Variants in GTPBP1 observed in about 807,000 individuals in gnomAD.
The protein encoded by GTPBP1 is GTP-binding protein 1.
In GTPBP1, 23 loss-of-function variants were observed where a neutral mutation model predicts 62.0. The observed-to-expected ratio is 0.37, with a 90% CI of 0.27 to 0.53. GTPBP1 has a LOEUF of 0.53. Among genes scored for constraint, GTPBP1 ranks in the 20% least tolerant of loss-of-function variants. The probability of loss-of-function intolerance (pLI) is 0.89; values close to 1 mark genes in which losing one functional copy is unlikely to be tolerated. For missense variants in GTPBP1, 640 were observed against 917.3 expected (o/e 0.70, Z 3.90); for synonymous variants, 344 against 364.4 (o/e 0.94, Z 0.64).
rs1302178247 is a variant in GTPBP1, at chr22:38,728,122, C to T, written c.1677C>T (p.Phe559=). 3 of 1,613,778 alleles carry T rather than the reference C, an allele frequency of 1.9e-6. No individual in the cohort carries two copies. Among genetic ancestry groups the T allele is most frequent in the Admixed American group, 1.7e-5 (1 of 60,034 alleles). Residue 559 remains phenylalanine (F), a synonymous_variant, in exon 10 of 12, where the codon TTC becomes TTT. Coordinates refer to ENST00000216044, the MANE Select transcript of GTPBP1 (RefSeq NM_004286.5). ...EYLHIDQRLV[F]REGRTKAVGT... ...TGCACATAGACCAGCGGCTGGTGTT[C>T]CGGGAAGGCCGCACCAAGGCTGTCG...
chr22:38,713,428 G>A (rs917490756), intron 2 of GTPBP1, among the ~76,000 whole-genome samples: 2 of 152,174 alleles, frequency 1.3e-5, no homozygotes, highest in African/African-American at 4.8e-5. Flanking sequence ...CAAAAGTTAA[G>A]AGTCTGTTGT....
At chr22:38,723,865 T>G (rs1448220946) in intron 5 of GTPBP1, among the ~76,000 whole-genome samples, 3 of 152,246 alleles carry the variant, frequency 2.0e-5, no homozygotes, top group Non-Finnish European at 4.4e-5. Context: ...TGTAGAAAAG[T>G]ATCCCTTTGG....
At chr22:38,733,710 C>T (rs936539379), downstream of GTPBP1, 2 of 152,928 alleles carry the variant, frequency 1.3e-5, no homozygotes, top group African/African-American at 4.8e-5. Flanking sequence ...ACTGTTCTGG[C>T]TTATCAGCCA....
At position 38,730,454 on chromosome 22, in the gene GTPBP1, TG is replaced by T; in HGVS notation, c.1918-157del. On this transcript the variant is annotated intron_variant, in intron 11 of 11. Coordinates refer to ENST00000216044, the MANE Select transcript of GTPBP1 (RefSeq NM_004286.5). This position sits in a 1 kb window ranked among gnomAD's most constrained non-coding sequence, Gnocchi z 5.6. The stretch of plus-strand genomic sequence containing the variant: ...TTAGAGACAGAGGGGAGGTGCTGCA[TG>T]CAGAGTGACCCAGTAAATTCCTGGT... Among the ~76,000 whole-genome samples the T allele has an allele frequency of 6.6e-6, 1 of 152,304 alleles. No individual in the cohort carries two copies. Among genetic ancestry groups the T allele is most frequent in the Middle Eastern group, 3.4e-3 (1 of 294 alleles).
At chr22:38,713,841 T>C (rs1303186672) in intron 2 of GTPBP1, among the ~76,000 whole-genome samples, 2 of 152,232 alleles carry the variant, frequency 1.3e-5, no homozygotes, top group Non-Finnish European at 2.9e-5. Flanking sequence ...GATATCAGAC[T>C]TCTAGGAGTT....
In GTPBP1 at chr22:38,726,200, C is replaced by T; in HGVS notation, c.1218+50C>T. The T allele has an allele frequency of 6.2e-7, 1 of 1,609,180 alleles. No homozygotes were observed. Among genetic ancestry groups the T allele is most frequent in the Non-Finnish European group, 8.5e-7 (1 of 1,176,112 alleles). On this transcript the variant is annotated intron_variant, in intron 7 of 11. Transcript: ENST00000216044. The surrounding 1 kb of genome is among the most constrained non-coding windows in gnomAD (Gnocchi z 4.1). The stretch of plus-strand genomic sequence containing the variant: ...GGGTGGGCACTTCCTACAGTGGCAT[C>T]AGGGGGTGGGTCTGTGCTGGGGATG...
At chr22:38,740,346 G>A (rs923471619), downstream of GTPBP1, 11 of 1,585,652 alleles carry the variant, frequency 6.9e-6, no homozygotes, top group South Asian at 3.4e-5. This position sits in a 1 kb window ranked among gnomAD's most constrained non-coding sequence, Gnocchi z 4.8. Context: ...TGCCAGAGCC[G>A]CCAGCTCCTG....
At chr22:38,728,259 G>A in intron 10 of GTPBP1, 98 bp downstream of exon 10, 1 of 843,096 alleles carries the variant, frequency 1.2e-6, no homozygotes, top group East Asian at 2.6e-5. Flanking sequence ...TCACTGCCAT[G>A]GGAGAGCTGG....
At chr22:38,707,781 A>C (rs1321560249) in intron 1 of GTPBP1, among the ~76,000 whole-genome samples, 2 of 152,248 alleles carry the variant, frequency 1.3e-5, no homozygotes, top group Non-Finnish European at 2.9e-5. Flanking sequence ...ACAATTAAAA[A>C]AAATCATATG....
At chr22:38,715,044 G>T (rs563308959) in intron 2 of GTPBP1, among the ~76,000 whole-genome samples, 1 of 152,182 alleles carries the variant, frequency 6.6e-6, no homozygotes, top group South Asian at 2.1e-4. Flanking sequence ...TCTCTAAAAT[G>T]TTTCTGAGTT....
intron 2 of GTPBP1, among the ~76,000 whole-genome samples, chr22:38,714,010 A>G (rs936574515): frequency 2.0e-5 from 3 of 152,198 alleles, no homozygotes; most frequent in African/African-American, 7.2e-5. Context: ...AGACTACTGG[A>G]AAAAACTGGC....
At chr22:38,738,814 G>A, downstream of GTPBP1, 1 of 1,599,430 alleles carries the variant, frequency 6.3e-7, no homozygotes, top group Admixed American at 1.7e-5. This position sits in a 1 kb window ranked among gnomAD's most constrained non-coding sequence, Gnocchi z 6.6. Flanking sequence ...GCTGACCCCA[G>A]ATGGGACCAG....
At chr22:38,742,549 G>T (rs1346001012), downstream of GTPBP1, 2 of 1,609,788 alleles carry the variant, frequency 1.2e-6, no homozygotes, top group Admixed American at 1.7e-5. Flanking sequence ...ATAACACGCT[G>T]CTCAGCCTGG....
chr22:38,721,510 C>T lies in GTPBP1; in HGVS notation c.835-232C>T, dbSNP rs553227478. ...GGGGTTACAGGCATGAGCCACTGCT[C>T]CTGACTTGGATTCATTTTGATGGCT... On this transcript the variant is annotated intron_variant, in intron 4 of 11. Transcript: ENST00000216044. 6.6e-5 allele frequency among the ~76,000 whole-genome samples: 10 copies of T among 152,328 alleles called. No homozygotes were observed. In the East Asian group the frequency reaches 1.7e-3, roughly 26 times the overall value.
downstream of GTPBP1, chr22:38,734,404 G>GT: frequency 2.5e-6 from 1 of 398,324 alleles, no homozygotes; most frequent in Non-Finnish European, 5.2e-6. Flanking sequence ...GTAGGTAAGT[G>GT]TAACTTTTTC....
rs145597071 is a variant in GTPBP1 at position 38,710,676 on chromosome 22, T to G, written c.304+1720T>G. Among the ~76,000 whole-genome samples, 22 of 152,340 alleles carry G rather than the reference T, an allele frequency of 1.4e-4. No homozygotes were observed. In the East Asian group the frequency reaches 4.2e-3, roughly 29 times the overall value. On this transcript the variant is annotated intron_variant, in intron 2 of 11. Transcript: ENST00000216044. ...GATCATTGGTAGCCTTTTGAAGCTT[T>G]GATGTCAGGTACACATCTGGCCTGC...
Position 38,729,515 on chromosome 22 carries a change from A to G in GTPBP1, c.1770A>G (p.Lys590=), listed in dbSNP as rs1471014428. The part of the protein sequence containing the change: ...SPMNSKPQQI[K]MQSTKKGPLT... Reference sequence around the variant, plus strand: ...TGAACTCCAAGCCGCAGCAGATTAAAATGCAGTCGACGAAAAAGGGCCCCC... The same window carrying G: ...TGAACTCCAAGCCGCAGCAGATTAAGATGCAGTCGACGAAAAAGGGCCCCC... Residue 590 remains lysine (K), a synonymous_variant, in exon 11 of 12, where the codon AAA becomes AAG. Coordinates refer to ENST00000216044, the MANE Select transcript of GTPBP1 (RefSeq NM_004286.5). 3.7e-6 allele frequency: 6 copies of G among 1,610,058 alleles called. No homozygotes were observed. The South Asian group carries it at 6.6e-5, about 18-fold the overall frequency.
intron 4 of GTPBP1, among the ~76,000 whole-genome samples, chr22:38,720,437 C>T (rs1371655945): frequency 6.6e-6 from 1 of 151,412 alleles, no homozygotes. Flanking sequence ...ACCATGTTGG[C>T]CAAGCTGGTC....
At chr22:38,722,945 A>G in intron 5 of GTPBP1, 4 of 934,272 alleles carry the variant, frequency 4.3e-6, no homozygotes, top group Non-Finnish European at 5.4e-6. Flanking sequence ...CATTGGGGTC[A>G]GTTATGAAGA....
Sources: allele counts gnomAD v4.1 joint callset (sites outside exome capture counted in the v4.1 genomes callset), GRCh38; gene constraint gnomAD v4.1.1; non-coding constraint Gnocchi (gnomAD v3.1); transcripts MANE v1.5; gene names NCBI Gene and HGNC (gene_info 2026-07-23, HGNC 2026-07-21).